The following ATG10 variants were observed in gnomAD, a reference collection of about 807,000 sequenced individuals.
ATG10 encodes the protein autophagy related 10.
A neutral mutation model predicts 32.1 loss-of-function variants in ATG10; 30 were observed. That is an observed-to-expected ratio of 0.94 (90% confidence interval 0.70 to 1.27). The LOEUF (loss-of-function observed/expected upper bound fraction) is 1.27, where lower values mean the gene tolerates loss of function less well. Among genes scored for constraint, ATG10 ranks in the 50% most tolerant of loss-of-function variants. The pLI is 0.00. For synonymous variants in ATG10, 87 were observed against 91.5 expected (o/e 0.95, Z 0.28); for missense variants, 233 against 262.3 (o/e 0.89, Z 0.77).
At chr5:82,206,020 T>A (rs755735912) in intron 5 of ATG10, among the ~76,000 whole-genome samples, 1 of 152,188 alleles carries the variant, frequency 6.6e-6, no homozygotes, top group Non-Finnish European at 1.5e-5. Context: ...ACTGAAATCT[T>A]GAGAATAGTT....
At position 82,050,923 on chromosome 5, in the gene ATG10, A is replaced by G. The variant is rs552443808; in HGVS notation, c.109-7572A>G. The stretch of plus-strand genomic sequence containing the variant: ...TTACTTAAGAGACTGAGGCAGGAGG[A>G]TGGCCTGGGCCCAGGAATTAGAAGC... On this transcript the variant is annotated intron_variant, in intron 2 of 7. Transcript: ENST00000282185. Among the ~76,000 whole-genome samples, 12 of 149,868 alleles carry G rather than the reference A, an allele frequency of 8.0e-5. No homozygotes were observed. The East Asian group carries it at 2.4e-3, about 30-fold the overall frequency.
At chr5:81,998,405 A>G (rs1031213279) in intron 2 of ATG10, among the ~76,000 whole-genome samples, 8 of 152,240 alleles carry the variant, frequency 5.3e-5, no homozygotes, top group Admixed American at 5.2e-4. Flanking sequence ...TATGGAAAGG[A>G]AAGACTGTTA....
intron 2 of ATG10, among the ~76,000 whole-genome samples, chr5:82,036,090 T>G (rs2149721290): frequency 6.6e-6 from 1 of 152,060 alleles, no homozygotes; most frequent in East Asian, 1.9e-4. Context: ...TTTTGGGGGG[T>G]TTTGTGATGT....
chr5:82,229,084 C>A (rs569641365), intron 5 of ATG10, among the ~76,000 whole-genome samples: 9 of 152,146 alleles, frequency 5.9e-5, no homozygotes, highest in Non-Finnish European at 1.2e-4. Context: ...ATGAGTAATT[C>A]CTAGGAGAGA....
intron 3 of ATG10, among the ~76,000 whole-genome samples, chr5:82,108,468 ATGTATGTATAACATG>A (rs1765507939): frequency 6.6e-6 from 1 of 151,930 alleles, no homozygotes; most frequent in Admixed American, 6.6e-5. Flanking sequence ...ATGTGTATAT[ATGTATGTATAACATG>A]TGTATATATC....
chr5:82,256,043 C>G lies in ATG10; in HGVS notation c.*1980C>G, dbSNP rs1293245090. On this transcript the variant is annotated 3_prime_UTR_variant, in exon 8 of 8. Transcript: ENST00000282185. ...TCAACTTCTGTGAGGGATTTTCCCC[C>G]CAATCTCCCTAATGTAAACACAGAT... 1 of 152,128 alleles carries G rather than the reference C, an allele frequency of 6.6e-6. No homozygotes were observed. Among genetic ancestry groups the G allele is most frequent in the East Asian group, 1.9e-4 (1 of 5,184 alleles). The allele number at this position is 152,128 out of a possible 1,614,324, so 9.4% of individuals were successfully genotyped here.
At chr5:82,166,335 C>T (rs560279067) in intron 4 of ATG10, among the ~76,000 whole-genome samples, 4 of 152,302 alleles carry the variant, frequency 2.6e-5, no homozygotes, top group African/African-American at 7.2e-5. Flanking sequence ...ATTCGCCCCC[C>T]ACCACCACTG....
intron 5 of ATG10, among the ~76,000 whole-genome samples, chr5:82,200,175 A>G (rs554361570): frequency 1.3e-5 from 2 of 152,160 alleles, no homozygotes; most frequent in South Asian, 2.1e-4. Flanking sequence ...TCTGGTCTAT[A>G]TGATAATTTT....
chr5:82,210,494 T>A (rs922575316), intron 5 of ATG10, among the ~76,000 whole-genome samples: 5 of 152,238 alleles, frequency 3.3e-5, no homozygotes, highest in Non-Finnish European at 7.3e-5. Context: ...TTCCTTGGTA[T>A]ACCCTGAACT....
intron 2 of ATG10, among the ~76,000 whole-genome samples, chr5:81,993,324 T>TTCCTTCCTTCCTTCC (rs1761521172): frequency 9.7e-6 from 1 of 103,204 alleles, no homozygotes; most frequent in Non-Finnish European, 1.9e-5. Flanking sequence ...TCTTTCTTTC[T>TTCCTTCCTTCCTTCC]TTCCTTCCTT....
intron 4 of ATG10, among the ~76,000 whole-genome samples, chr5:82,165,274 C>G (rs899302292): frequency 2.6e-5 from 4 of 152,216 alleles, no homozygotes; most frequent in Admixed American, 6.5e-5. Flanking sequence ...AACCCCTTGC[C>G]CTATTTCTCC....
intron 1 of ATG10, among the ~76,000 whole-genome samples, chr5:81,983,634 G>C (rs1379811235): frequency 2.8e-5 from 4 of 141,778 alleles, no homozygotes; most frequent in Non-Finnish European, 6.2e-5. Flanking sequence ...CTGGCCGGGC[G>C]GGGGGGCTGA....
In ATG10 at chr5:82,187,744, C is replaced by T. The variant is rs943881557; in HGVS notation, c.453+9157C>T. On this transcript the variant is annotated intron_variant, in intron 5 of 7. Transcript: ENST00000282185. Reference sequence around the variant, plus strand: ...CTGAGATTGCAGGCGCCCGCCACCACGCCTGGCTAATTTTTGTATTTTTAG... The same window carrying T: ...CTGAGATTGCAGGCGCCCGCCACCATGCCTGGCTAATTTTTGTATTTTTAG... 1.6e-4 allele frequency among the ~76,000 whole-genome samples: 25 copies of T among 151,752 alleles called. 1 individual carries two copies. Among genetic ancestry groups the T allele is most frequent in the Non-Finnish European group, 2.8e-4 (19 of 67,894 alleles).
intron 2 of ATG10, 24 bp downstream of exon 2, chr5:81,987,702 C>G (rs1346648999): frequency 6.4e-7 from 1 of 1,562,580 alleles, no homozygotes; most frequent in Non-Finnish European, 8.7e-7. Context: ...TGTTTGTTTT[C>G]TGTCTCAAAA....
At chr5:82,138,217 C>A (rs895898561) in intron 3 of ATG10, among the ~76,000 whole-genome samples, 7 of 152,168 alleles carry the variant, frequency 4.6e-5, no homozygotes, top group African/African-American at 1.7e-4. Flanking sequence ...CTTCAGCCCC[C>A]TTTCCAGGGG....
intron 5 of ATG10, among the ~76,000 whole-genome samples, chr5:82,212,602 G>T (rs560742209): frequency 4.1e-4 from 63 of 152,324 alleles, no homozygotes; most frequent in Non-Finnish European, 7.9e-4. Context: ...TATTGGCAAA[G>T]ATATAAAAGT....
chr5:82,252,442 AT>A, intron 5 of ATG10, 119 bp from the exon 6 acceptor site: 1 of 678,754 alleles, frequency 1.5e-6, no homozygotes, highest in East Asian at 2.8e-5. Context: ...AAACCTGTAT[AT>A]TAATTCAATA....
intron 5 of ATG10, among the ~76,000 whole-genome samples, chr5:82,206,740 GC>G (rs2149972361): frequency 6.6e-6 from 1 of 151,978 alleles, no homozygotes; most frequent in East Asian, 1.9e-4. Flanking sequence ...CATCTGTGTA[GC>G]CCAGTCAAGA....
chr5:82,219,775 T>G (rs148672943), intron 5 of ATG10, among the ~76,000 whole-genome samples: 1 of 152,372 alleles, frequency 6.6e-6, no homozygotes, highest in African/African-American at 2.4e-5. Flanking sequence ...TTGCTCTACA[T>G]GCTTTAATTA....
Sources: allele counts gnomAD v4.1 joint callset (sites outside exome capture counted in the v4.1 genomes callset), GRCh38; gene constraint gnomAD v4.1.1; transcripts MANE v1.5; gene names NCBI Gene and HGNC (gene_info 2026-07-23, HGNC 2026-07-21).